Variants in POLA2 observed in about 807,000 individuals in gnomAD.
The protein encoded by POLA2 is DNA polymerase alpha subunit B.
Under a neutral mutation model 82.8 loss-of-function variants are expected in POLA2, and 47 were observed. That is an observed-to-expected ratio of 0.57 (90% CI 0.45 to 0.72). The LOEUF (loss-of-function observed/expected upper bound fraction) is 0.72, where lower values mean the gene tolerates loss of function less well. Among genes scored for constraint, POLA2 ranks in the 30% least tolerant of loss-of-function variants. The pLI is 0.00. For synonymous variants in POLA2, 287 were observed against 286.8 expected, an observed-to-expected ratio of 1.00 and a Z score of -0.01; for missense variants, 634 against 728.1, an observed-to-expected ratio of 0.87 and a Z score of 1.49.
chr11:65,268,591 C>T lies in POLA2; in HGVS notation c.297-81C>T, dbSNP rs571033561. The T allele has an allele frequency of 1.2e-5, 10 of 824,224 alleles. No individual in the cohort carries two copies. The Admixed American group carries it at 1.7e-4, about 14-fold the overall frequency. The allele number at this position is 824,224 out of a possible 1,614,324, so 51.1% of individuals were successfully genotyped here. On this transcript the variant is annotated intron_variant, in intron 3 of 17. Transcript: ENST00000265465. ...TCTCCTGATCTCGTGATCCGCCCATCTCGGCCTCCCAAAGTGCTGGGATTA... is the reference window on the plus strand; with the variant it reads ...TCTCCTGATCTCGTGATCCGCCCATTTCGGCCTCCCAAAGTGCTGGGATTA...
At chr11:65,263,291 C>CCT (rs1346486125) in intron 1 of POLA2, among the ~76,000 whole-genome samples, 1 of 146,752 alleles carries the variant, frequency 6.8e-6, no homozygotes, top group African/African-American at 2.5e-5. Flanking sequence ...GCAATCTCGG[C>CCT]TCACTTCAGC....
At position 65,295,800 on chromosome 11, in the gene POLA2, G is replaced by A. The variant is rs573037580; in HGVS notation, c.1521-64G>A. ...CAGCACGAAAGCCAGTACCTAGGGG[G>A]ACTCTGTCTGAGAAGGGGGCCCCCC... On this transcript the variant is annotated intron_variant, in intron 16 of 17. Transcript: ENST00000265465. 2.2e-4 allele frequency: 339 copies of A among 1,573,422 alleles called. 2 individuals carry two copies. In the South Asian group the frequency reaches 3.1e-3, roughly 15 times the overall value.
At chr11:65,296,122 C>A in intron 17 of POLA2, 132 bp downstream of exon 17, 3 of 946,138 alleles carry the variant, frequency 3.2e-6, no homozygotes, top group Non-Finnish European at 4.9e-6. Flanking sequence ...GCCCTGTGGC[C>A]TTGTTTCTTT....
In POLA2 at chr11:65,272,191, C is replaced by T. The variant is rs191696081; in HGVS notation, c.354+3462C>T. On this transcript the variant is annotated intron_variant, in intron 4 of 17. Transcript: ENST00000265465. ...AGGCATGATGGTGGGTGTCTGTAAT[C>T]CCAGCTACTCGAGAGGCTGAGACAG... Among the ~76,000 whole-genome samples, 48 of 152,250 alleles carry T rather than the reference C, an allele frequency of 3.2e-4. No homozygotes were observed. In the South Asian group the frequency reaches 8.1e-3, roughly 26 times the overall value.
At chr11:65,268,360 T>TTA (rs1949485200) in intron 3 of POLA2, among the ~76,000 whole-genome samples, 1 of 151,064 alleles carries the variant, frequency 6.6e-6, no homozygotes, top group Admixed American at 6.6e-5. Context: ...TATTATTATT[T>TTA]TTTTTTTTTG....
intron 6 of POLA2, 104 bp downstream of exon 6, chr11:65,279,027 C>T: frequency 1.0e-6 from 1 of 1,002,988 alleles, no homozygotes. Flanking sequence ...CCAAGGTTGC[C>T]TTTCAATGTA....
intron 5 of POLA2, among the ~76,000 whole-genome samples, chr11:65,277,147 A>T (rs1359355325): frequency 6.8e-6 from 1 of 146,980 alleles, no homozygotes; most frequent in African/African-American, 2.5e-5. Context: ...ATTCAAGGTG[A>T]GTGGTCATTG....
intron 12 of POLA2, 49 bp downstream of exon 12, chr11:65,289,137 G>C (rs751470019): frequency 6.8e-7 from 1 of 1,462,454 alleles, no homozygotes; most frequent in Non-Finnish European, 9.5e-7. Flanking sequence ...AATCCAGTCA[G>C]GCTCTCACTT....
intron 13 of POLA2, among the ~76,000 whole-genome samples, chr11:65,291,953 A>G (rs1949759255): frequency 6.6e-6 from 1 of 152,226 alleles, no homozygotes; most frequent in Non-Finnish European, 1.5e-5. Flanking sequence ...TAAAAGTCAG[A>G]GCCAGGCTAA....
rs770676204 is a variant in POLA2 at position 65,275,877 on chromosome 11, C to T, written c.355-15C>T. ...CTAGTAGGACTGAGATTTTGTTTTC[C>T]TTTTTTTTCCCTAGGGTTCTCAGAA... is the stretch of plus-strand genomic sequence containing the variant. On this transcript the variant is annotated splice_polypyrimidine_tract_variant and intron_variant, in intron 4 of 17. Transcript: ENST00000265465. 2.0e-6 allele frequency: 3 copies of T among 1,515,596 alleles called. No individual in the cohort carries two copies. Among genetic ancestry groups the T allele is most frequent in the Non-Finnish European group, 2.7e-6 (3 of 1,095,292 alleles). The allele number at this position is 1,515,596 out of a possible 1,614,324, so 93.9% of individuals were successfully genotyped here.
At chr11:65,266,518 C>T in intron 1 of POLA2, 64 bp from the exon 2 acceptor site, 1 of 1,568,582 alleles carries the variant, frequency 6.4e-7, no homozygotes, top group African/African-American at 1.4e-5. Flanking sequence ...ATTATTTTTG[C>T]TTTTCTAGGT....
At position 65,263,017 on chromosome 11, in the gene POLA2, AGAGCAGTGTAAG is replaced by A. The variant is rs145041134; in HGVS notation, c.79+650_79+661del. On this transcript the variant is annotated intron_variant, in intron 1 of 17. Transcript: ENST00000265465. ...GGGTCCATCGTGTTGGTCAAGCTGT[AGAGCAGTGTAAG>A]GAGTCATTTGAAGCAAAGCCTGGGA... Among the ~76,000 whole-genome samples the A allele has an allele frequency of 6.3e-3, 952 of 152,234 alleles. 9 individuals are homozygous for A. The highest frequency in any genetic ancestry group is 0.022 in the African/African-American group (915 of 41,524).
intron 5 of POLA2, among the ~76,000 whole-genome samples, chr11:65,276,515 C>T (rs1176508097): frequency 6.6e-6 from 1 of 152,072 alleles, no homozygotes; most frequent in Non-Finnish European, 1.5e-5. Context: ...TCTGCCCTGA[C>T]TTAATTGGTA....
At chr11:65,290,928 A>G (rs1213228792) in intron 13 of POLA2, among the ~76,000 whole-genome samples, 1 of 152,216 alleles carries the variant, frequency 6.6e-6, no homozygotes, top group Non-Finnish European at 1.5e-5. Context: ...GCTGGTGGTG[A>G]TAGAAACTCT....
intron 13 of POLA2, among the ~76,000 whole-genome samples, chr11:65,293,459 A>T (rs1428414444): frequency 2.6e-5 from 4 of 151,734 alleles, no homozygotes; most frequent in Non-Finnish European, 4.4e-5. Context: ...AAAATACAAA[A>T]ATTAGGTGGG....
In POLA2 at chr11:65,278,727, T is replaced by C. The variant is rs765732344; in HGVS notation, c.462-3T>C. On this transcript the variant is annotated splice_region_variant and splice_polypyrimidine_tract_variant and intron_variant, in intron 5 of 17. Transcript: ENST00000265465. ...AATATTAACCTGTTTTGCTTCCAAT[T>C]AGTGCTACTCCCTCCCAGAAATACA... The C allele has an allele frequency of 1.4e-5, 23 of 1,611,070 alleles. No individual in the cohort carries two copies. The highest frequency in any genetic ancestry group is 1.9e-5 in the Non-Finnish European group (22 of 1,178,634).
intron 1 of POLA2, among the ~76,000 whole-genome samples, chr11:65,265,262 A>AATATTTCCTCCTTAAATCCATTTCAGT (rs1949447186): frequency 6.6e-6 from 1 of 151,516 alleles, no homozygotes; most frequent in African/African-American, 2.4e-5. Context: ...GCCATCTTTA[A>AATATTTCCTCCTTAAATCCATTTCAGT]ATATTTCCTC....
intron 10 of POLA2, among the ~76,000 whole-genome samples, chr11:65,286,438 A>T (rs1281125242): frequency 6.6e-6 from 1 of 150,938 alleles, no homozygotes; most frequent in African/African-American, 2.4e-5. Flanking sequence ...GTCTCACTGG[A>T]GTGCAGTGGG....
rs559350438 is a variant in POLA2 at position 65,264,680 on chromosome 11, G to A, written c.80-1902G>A. ...GACCCATATCTGTGGCATATACCTA[G>A]CCTTCTTTCCTATTATAATGAATAA... On this transcript the variant is annotated intron_variant, in intron 1 of 17. Transcript: ENST00000265465. Among the ~76,000 whole-genome samples the A allele has an allele frequency of 3.3e-5, 5 of 152,296 alleles. No individual in the cohort carries two copies. In the East Asian group the frequency reaches 9.6e-4, roughly 29 times the overall value.
Sources: allele counts gnomAD v4.1 joint callset (sites outside exome capture counted in the v4.1 genomes callset), GRCh38; gene constraint gnomAD v4.1.1; transcripts MANE v1.5; gene names NCBI Gene and HGNC (gene_info 2026-07-23, HGNC 2026-07-21).